The following EPHA6 variants were observed in gnomAD, a reference collection of about 807,000 sequenced individuals.
EPHA6 encodes the protein ephrin type-A receptor 6.
Under a neutral mutation model 112.0 loss-of-function variants are expected in EPHA6, and 50 were observed. The observed-to-expected ratio is 0.45, with a 90% CI of 0.36 to 0.56. EPHA6 has a LOEUF of 0.56. Ranked by LOEUF, EPHA6 falls within the 20% of genes least tolerant of loss-of-function variation. The pLI is 0.00. For missense variants in EPHA6, 1,280 were observed against 1,417.4 expected (o/e 0.90, Z 1.56); for synonymous variants, 529 against 490.7 (o/e 1.08, Z -1.03).
At chr3:96,987,284 T>C in intron 2 of EPHA6, 46 bp from the exon 3 acceptor site, 3 of 1,480,826 alleles carry the variant, frequency 2.0e-6, no homozygotes, top group Non-Finnish European at 2.7e-6. Context: ...TTCTGTTTAA[T>C]CACTGTGGTT....
intron 5 of EPHA6, among the ~76,000 whole-genome samples, chr3:97,340,604 C>T (rs190044792): frequency 1.3e-5 from 2 of 152,234 alleles, no homozygotes; most frequent in South Asian, 4.2e-4. Flanking sequence ...ACAAAATACT[C>T]CAGTCTGGGT....
chr3:97,248,064 G>A (rs943619747), intron 5 of EPHA6, among the ~76,000 whole-genome samples: 5 of 151,746 alleles, frequency 3.3e-5, no homozygotes, highest in Non-Finnish European at 7.4e-5. Flanking sequence ...TGGCTTAATT[G>A]TTTGCTCTGT....
chr3:97,699,011 T>C (rs1200906594), intron 14 of EPHA6, among the ~76,000 whole-genome samples: 1 of 152,248 alleles, frequency 6.6e-6, no homozygotes, highest in Non-Finnish European at 1.5e-5. Context: ...GAAAATGCTA[T>C]GGTCAGTTGT....
intron 5 of EPHA6, among the ~76,000 whole-genome samples, chr3:97,345,081 G>GA (rs1553752393): frequency 0.017 from 2,475 of 144,360 alleles, 57 homozygotes; most frequent in African/African-American, 0.056. Flanking sequence ...CAAATGAGGG[G>GA]AAAAAAAAAA....
At chr3:97,064,248 G>A (rs2046111657) in intron 3 of EPHA6, among the ~76,000 whole-genome samples, 1 of 152,050 alleles carries the variant, frequency 6.6e-6, no homozygotes, top group Admixed American at 6.6e-5. Context: ...TGAACCATGT[G>A]TGACAATATG....
At chr3:96,823,031 G>A (rs1006286252) in intron 1 of EPHA6, among the ~76,000 whole-genome samples, 6 of 151,624 alleles carry the variant, frequency 4.0e-5, no homozygotes, top group Admixed American at 4.0e-4. Context: ...TATATTCTAA[G>A]TAAGAATTAT....
chr3:97,191,431 A>G (rs1022968804), intron 3 of EPHA6, among the ~76,000 whole-genome samples: 1 of 151,584 alleles, frequency 6.6e-6, no homozygotes, highest in African/African-American at 2.4e-5. Flanking sequence ...AGCTAACAAT[A>G]TTTTTCTACC....
chr3:97,640,512 T>C (rs1055398384), intron 14 of EPHA6, among the ~76,000 whole-genome samples: 8 of 152,012 alleles, frequency 5.3e-5, no homozygotes, highest in African/African-American at 1.9e-4. Context: ...GCGCCTGTTA[T>C]CCCATCCCAG....
Position 97,405,212 on chromosome 3 carries a change from T to C in EPHA6, c.1669T>C (p.Trp557Arg). 1 of 1,609,844 alleles carries C rather than the reference T, an allele frequency of 6.2e-7. No homozygotes were observed. The highest frequency in any genetic ancestry group is 8.5e-7 in the Non-Finnish European group (1 of 1,177,772). The change falls in exon 6 of 18, where the codon TGG becomes CGG. Residue 557 changes from tryptophan to arginine, a missense_variant. Around this residue, in one of 4 missense-constraint regions of EPHA6, gnomAD observed 878 missense variants for 999.7 expected, o/e 0.88. Coordinates refer to ENST00000389672, the MANE Select transcript of EPHA6 (RefSeq NM_001080448.3). ...WASQNSIALS[W>R]QAPAFSNGAI... The stretch of plus-strand genomic sequence containing the variant: ...ATCCCAAAATAGCATTGCCCTATCA[T>C]GGCAAGCACCTGCTTTTTCCAATGG...
chr3:97,639,674 G>A (rs2093983682), intron 14 of EPHA6, among the ~76,000 whole-genome samples: 1 of 152,076 alleles, frequency 6.6e-6, no homozygotes, highest in Admixed American at 6.5e-5. Flanking sequence ...CATGAAATTG[G>A]CAGATAACTG....
At chr3:97,161,588 A>G (rs1216556229) in intron 3 of EPHA6, among the ~76,000 whole-genome samples, 1 of 152,136 alleles carries the variant, frequency 6.6e-6, no homozygotes, top group Admixed American at 6.5e-5. Context: ...TCAAAATCCA[A>G]AGAAGCCCAC....
At chr3:97,198,925 A>G (rs1189679499) in intron 3 of EPHA6, among the ~76,000 whole-genome samples, 1 of 152,122 alleles carries the variant, frequency 6.6e-6, no homozygotes, top group Non-Finnish European at 1.5e-5. Flanking sequence ...AGGGCATGGC[A>G]TTTACTTGAC....
chr3:97,032,439 A>T lies in EPHA6; in HGVS notation c.1114+44446A>T, dbSNP rs543167852. Among the ~76,000 whole-genome samples the T allele has an allele frequency of 2.0e-5, 3 of 152,216 alleles. No homozygotes were observed. The South Asian group carries it at 6.2e-4, about 32-fold the overall frequency. On this transcript the variant is annotated intron_variant, in intron 3 of 17. Transcript: ENST00000389672. ...GTTGTGCACATGTACCCTAAAACTT[A>T]AAGTATAATAATAAAATAAAAAGAA...
chr3:97,567,348 C>T (rs1247807921), intron 11 of EPHA6, among the ~76,000 whole-genome samples: 1 of 152,090 alleles, frequency 6.6e-6, no homozygotes, highest in Admixed American at 6.5e-5. Context: ...CCACATTGCA[C>T]AACTTTGGGG....
chr3:97,248,587 T>C (rs1000932275), intron 5 of EPHA6, among the ~76,000 whole-genome samples: 1 of 152,010 alleles, frequency 6.6e-6, no homozygotes, highest in African/African-American at 2.4e-5. Flanking sequence ...TGCTAAAGGG[T>C]CTTTAAAGCA....
At chr3:97,492,842 G>A (rs2091884315) in intron 10 of EPHA6, among the ~76,000 whole-genome samples, 1 of 151,858 alleles carries the variant, frequency 6.6e-6, no homozygotes, top group Non-Finnish European at 1.5e-5. Flanking sequence ...TATTTTAGAT[G>A]GGAAAAGCAT....
At chr3:97,244,424 T>A in intron 5 of EPHA6, 137 bp downstream of exon 5, 1 of 683,366 alleles carries the variant, frequency 1.5e-6, no homozygotes, top group East Asian at 2.6e-5. Context: ...CACTGGTTGT[T>A]GTTCTTGTTC....
intron 10 of EPHA6, among the ~76,000 whole-genome samples, chr3:97,496,310 G>A (rs1416665421): frequency 6.6e-6 from 1 of 152,076 alleles, no homozygotes; most frequent in Non-Finnish European, 1.5e-5. Context: ...ACCATTAATA[G>A]TAGGCAAGAA....
At chr3:96,870,990 A>G (rs75920555) in intron 2 of EPHA6, among the ~76,000 whole-genome samples, 4,447 of 152,162 alleles carry the variant, frequency 0.029, 212 homozygotes, top group African/African-American at 0.1. Flanking sequence ...TGCATATTCA[A>G]GTTCTGAAAA....
Sources: allele counts gnomAD v4.1 joint callset (sites outside exome capture counted in the v4.1 genomes callset), GRCh38; gene constraint gnomAD v4.1.1; regional missense constraint gnomAD v4.1.1; transcripts MANE v1.5; gene names NCBI Gene and HGNC (gene_info 2026-07-23, HGNC 2026-07-21).